Variants in DISP3 observed in about 807,000 individuals in gnomAD.
The protein encoded by DISP3 is dispatched RND transporter family member 3, also known as protein dispatched homolog 3.
DISP3 carries 101 observed loss-of-function variants against 135.3 expected under a neutral mutation model. That is an observed-to-expected ratio of 0.75 (90% confidence interval 0.64 to 0.88). DISP3 has a LOEUF of 0.88. Ranked by LOEUF, DISP3 falls within the 40% of genes least tolerant of loss-of-function variation. The pLI, the probability that DISP3 is intolerant of heterozygous loss-of-function variation, is 0.00. For synonymous variants in DISP3, 856 were observed against 817.0 expected (o/e 1.05, Z -0.81); for missense variants, 1,713 against 1,878.6 (o/e 0.91, Z 1.63).
At chr1:11,523,000 C>G (rs1208212276) in intron 10 of DISP3, among the ~76,000 whole-genome samples, 1 of 150,430 alleles carries the variant, frequency 6.6e-6, no homozygotes, top group Admixed American at 6.7e-5. Flanking sequence ...GAGCCCAGCC[C>G]CTACTCCCTG....
At position 11,519,397 on chromosome 1, in the gene DISP3, C is replaced by G. The variant is rs377174130; in HGVS notation, c.1932C>G (p.Pro644=). 8 of 1,613,738 alleles carry G rather than the reference C, an allele frequency of 5.0e-6. No individual in the cohort carries two copies. The African/African-American group carries it at 1.1e-4, about 22-fold the overall frequency. The stretch of plus-strand genomic sequence containing the variant: ...GCCGGAAGACCTCCCTGCACTTCCC[C>G]GGAGACGTGTTTGCCGCTCCCGAGC... ...NCSRKTSLHF[P]GDVFAAPEQV... The change falls in exon 8 of 21, where the codon CCC becomes CCG. Residue 644 remains proline (P), a synonymous_variant. Transcript: ENST00000294484. This position sits in a 1 kb window ranked among gnomAD's most constrained non-coding sequence, Gnocchi z 4.3.
chr1:11,522,339 G>A (rs1408709550), intron 10 of DISP3, among the ~76,000 whole-genome samples: 1 of 152,104 alleles, frequency 6.6e-6, no homozygotes, highest in Non-Finnish European at 1.5e-5. Flanking sequence ...AGCCAAATGC[G>A]TGATAATCCA....
rs1287022770 is a variant in DISP3, at chr1:11,536,584, C to G, written c.4077C>G (p.Ala1359=). The change falls in exon 21 of 21, where the codon GCC becomes GCG. Residue 1359 remains alanine, a synonymous_variant. Coordinates refer to ENST00000294484, the MANE Select transcript of DISP3 (RefSeq NM_020780.2). This position sits in a 1 kb window ranked among gnomAD's most constrained non-coding sequence, Gnocchi z 4.3. ...FTRTRTSFLK[A]LGAVLLAGAL... ...GGACCCGGACTTCCTTCCTCAAGGC[C>G]CTGGGTGCCGTGCTGCTGGCAGGGG... 1 of 1,612,052 alleles carries G rather than the reference C, an allele frequency of 6.2e-7. No homozygotes were observed. The highest frequency in any genetic ancestry group is 8.5e-7 in the Non-Finnish European group (1 of 1,179,838).
intron 15 of DISP3, among the ~76,000 whole-genome samples, chr1:11,530,492 C>T (rs575060231): frequency 5.3e-5 from 8 of 152,046 alleles, no homozygotes; most frequent in East Asian, 3.9e-4. Context: ...TGGAGTAAGT[C>T]GGGGGCAAGG....
intron 3 of DISP3, among the ~76,000 whole-genome samples, chr1:11,510,440 ATAC>A (rs1158612164): frequency 6.6e-6 from 1 of 152,124 alleles, no homozygotes; most frequent in Non-Finnish European, 1.5e-5. Flanking sequence ...TTACAATAAT[ATAC>A]TACTATTTCT....
intron 12 of DISP3, 40 bp downstream of exon 12, chr1:11,525,352 G>A: frequency 1.9e-6 from 3 of 1,589,272 alleles, no homozygotes; most frequent in Non-Finnish European, 2.6e-6. Context: ...CCACCACTGT[G>A]GGTGGTGGGG....
intron 10 of DISP3, 122 bp from the exon 11 acceptor site, chr1:11,523,820 C>A (rs1261649538): frequency 4.4e-6 from 3 of 688,988 alleles, no homozygotes; most frequent in Non-Finnish European, 7.3e-6. Flanking sequence ...CACCCACCCC[C>A]TCCAGTCCCT....
rs957042610 is a variant in DISP3 at position 11,529,513 on chromosome 1, C to G, written c.2799-43C>G. ...GCTGGCCTCACCTCCCCTGACTCCT[C>G]CTAGCCTTTCCGGCCTCAGCCCAGC... On this transcript the variant is annotated intron_variant, in intron 13 of 20. Transcript: ENST00000294484. The surrounding 1 kb of genome is among the most constrained non-coding windows in gnomAD (Gnocchi z 4.7). The G allele has an allele frequency of 1.3e-6, 2 of 1,530,554 alleles. No homozygotes were observed. Among genetic ancestry groups the G allele is most frequent in the African/African-American group, 2.8e-5 (2 of 72,238 alleles). The allele number at this position is 1,530,554 out of a possible 1,614,324, so 94.8% of individuals were successfully genotyped here.
chr1:11,509,674 TA>T (rs1279934041), intron 3 of DISP3, among the ~76,000 whole-genome samples: 32 of 152,384 alleles, frequency 2.1e-4, no homozygotes, highest in Admixed American at 4.6e-4. Context: ...AAATTTACTT[TA>T]TTTTTTATGA....
chr1:11,534,571 G>A (rs769734328), intron 18 of DISP3, 31 bp downstream of exon 18: 1 of 1,577,708 alleles, frequency 6.3e-7, no homozygotes, highest in Non-Finnish European at 8.6e-7. Context: ...TCCATCCTGG[G>A]TGGGCAGGAG....
rs1055996780 is a variant in DISP3, at chr1:11,531,341, C to T, written c.3230-224C>T. On this transcript the variant is annotated intron_variant, in intron 16 of 20. Transcript: ENST00000294484. This position sits in a 1 kb window ranked among gnomAD's most constrained non-coding sequence, Gnocchi z 5.2. ...GGGGCGGGGCCAGGGGCTGGCCCCA[C>T]AGCCAATGTGGATGAGGTCACCACC... Among the ~76,000 whole-genome samples the T allele has an allele frequency of 7.9e-5, 12 of 152,204 alleles. No homozygotes were observed. The highest frequency in any genetic ancestry group is 2.9e-4 in the African/African-American group (12 of 41,536).
chr1:11,516,117 T>C lies in DISP3; in HGVS notation c.1705T>C (p.Ser569Pro). ...QTAGKATFFT[S>P]LTTAAAYAAN... is the part of the protein sequence containing the mutation. ...TGCAGGCAAGGCCACCTTCTTCACC[T>C]CCCTGACCACAGCCGCCGCCTACGC... Residue 569 changes from serine to proline, a missense_variant, in exon 6 of 21, where the codon TCC (serine) becomes CCC (proline). This residue lies in a region of DISP3 where 1,142 missense variants were observed against 1,384.6 expected (regional missense o/e 0.82). Transcript: ENST00000294484. The surrounding 1 kb of genome is among the most constrained non-coding windows in gnomAD (Gnocchi z 5.1). The C allele has an allele frequency of 6.2e-7, 1 of 1,614,100 alleles. No homozygotes were observed. The highest frequency in any genetic ancestry group is 8.5e-7 in the Non-Finnish European group (1 of 1,180,002).
Position 11,529,663 on chromosome 1 carries a change from T to C in DISP3, c.2906T>C (p.Phe969Ser), listed in dbSNP as rs767552349. 1 of 1,607,656 alleles carries C rather than the reference T, an allele frequency of 6.2e-7. No individual in the cohort carries two copies. Among genetic ancestry groups the C allele is most frequent in the East Asian group, 2.2e-5 (1 of 44,662 alleles). The change falls in exon 14 of 21, where the codon TTC becomes TCC. Residue 969 changes from phenylalanine (F) to serine (S), a missense_variant. Coordinates refer to ENST00000294484, the MANE Select transcript of DISP3 (RefSeq NM_020780.2). This position sits in a 1 kb window ranked among gnomAD's most constrained non-coding sequence, Gnocchi z 4.7. The part of the protein sequence containing the change: ...SSSPDGPTKG[F>S]FFVPSEKVPK... ...AGCCCCGATGGGCCTACCAAAGGCT[T>C]CTTCTTCGTGCCTAGTGAGAAAGGT...
intron 12 of DISP3, 48 bp downstream of exon 12, chr1:11,525,360 G>A: frequency 6.3e-7 from 1 of 1,586,076 alleles, no homozygotes; most frequent in Non-Finnish European, 8.6e-7. Flanking sequence ...GTGGGTGGTG[G>A]GGGGCTCTCA....
chr1:11,517,598 A>C lies in DISP3; in HGVS notation c.1885A>C (p.Thr629Pro), dbSNP rs1410271290. The C allele has an allele frequency of 1.2e-6, 2 of 1,613,410 alleles. No homozygotes were observed. Among genetic ancestry groups the C allele is most frequent in the Non-Finnish European group, 1.7e-6 (2 of 1,179,988 alleles). The stretch of plus-strand genomic sequence containing the variant: ...GGCACCACTGGAGAGCTCCTGCCAG[A>C]CCAGGTAAGTCGGGCAGGGCCTCCA... ...YLAPLESSCQ[T>P]SCHQNCSRKT... The change falls in exon 7 of 21, where the codon ACC becomes CCC. Residue 629 changes from threonine to proline, a missense_variant. Thr to Pro is a conservative substitution (Grantham distance 38, BLOSUM62 -1). Around this residue, in one of 2 missense-constraint regions of DISP3, gnomAD observed 1,142 missense variants for 1,384.6 expected, o/e 0.82. Coordinates refer to ENST00000294484, the MANE Select transcript of DISP3 (RefSeq NM_020780.2).
rs766841398 is a variant in DISP3 at position 11,516,070 on chromosome 1, G to A, written c.1658G>A (p.Arg553His). The A allele has an allele frequency of 6.2e-6, 10 of 1,614,054 alleles. No individual in the cohort carries two copies. The highest frequency in any genetic ancestry group is 3.3e-5 in the South Asian group (3 of 91,074). ...ACCCACCTGGAAGACCCACAGCTGC[G>A]CATGATCCACACCGTCCAAACTGCA... is the stretch of plus-strand genomic sequence containing the variant. The part of the protein sequence containing the change: ...QATHLEDPQL[R>H]MIHTVQTAGK... Residue 553 changes from arginine to histidine, a missense_variant, in exon 6 of 21, where the codon CGC becomes CAC. This residue lies in a region of DISP3 where 1,142 missense variants were observed against 1,384.6 expected (regional missense o/e 0.82). Transcript: ENST00000294484. The surrounding 1 kb of genome is among the most constrained non-coding windows in gnomAD (Gnocchi z 5.1).
At chr1:11,510,582 G>T (rs1356238739) in intron 3 of DISP3, among the ~76,000 whole-genome samples, 3 of 97,762 alleles carry the variant, frequency 3.1e-5, no homozygotes, top group Non-Finnish European at 6.5e-5. Context: ...TAAGAAAATT[G>T]TATGTATTTA....
At chr1:11,507,255 GTC>G (rs1641731747) in intron 3 of DISP3, among the ~76,000 whole-genome samples, 1 of 152,188 alleles carries the variant, frequency 6.6e-6, no homozygotes, top group Non-Finnish European at 1.5e-5. Flanking sequence ...ATCCTGGAAA[GTC>G]TCAGTCTACC....
Position 11,529,753 on chromosome 1 carries a change from G to T in DISP3, c.2930-34G>T, listed in dbSNP as rs1350775340. The T allele has an allele frequency of 1.2e-6, 2 of 1,604,314 alleles. No homozygotes were observed. The highest frequency in any genetic ancestry group is 1.3e-5 in the African/African-American group (1 of 74,736). On this transcript the variant is annotated intron_variant, in intron 14 of 20. Transcript: ENST00000294484. This position sits in a 1 kb window ranked among gnomAD's most constrained non-coding sequence, Gnocchi z 4.7. ...CCTCGGGGCTCAGGAGCTGGACCCT[G>T]CCTTCCCTTACAGCTGTGACTCCCT...
Sources: allele counts gnomAD v4.1 joint callset (sites outside exome capture counted in the v4.1 genomes callset), GRCh38; gene constraint gnomAD v4.1.1; regional missense constraint gnomAD v4.1.1; non-coding constraint Gnocchi (gnomAD v3.1); transcripts MANE v1.5; gene names NCBI Gene and HGNC (gene_info 2026-07-23, HGNC 2026-07-21).